Variants in UVRAG observed in about 807,000 individuals in gnomAD.
The protein encoded by UVRAG is UV radiation resistance associated.
In UVRAG, 19 loss-of-function variants were observed where a neutral mutation model predicts 78.0. The observed-to-expected ratio is 0.24, with a 90% confidence interval of 0.17 to 0.36. The LOEUF (loss-of-function observed/expected upper bound fraction) is 0.36, where lower values mean the gene tolerates loss of function less well. UVRAG is among the 10% of genes least tolerant of loss of function. The pLI, the probability that UVRAG is intolerant of heterozygous loss-of-function variation, is 1.00. For synonymous variants in UVRAG, 323 were observed against 324.6 expected, an observed-to-expected ratio of 1.00 and a Z score of 0.05; for missense variants, 740 against 853.8, an observed-to-expected ratio of 0.87 and a Z score of 1.66.
At chr11:76,033,387 A>G (rs995586076) in intron 12 of UVRAG, among the ~76,000 whole-genome samples, 1 of 152,292 alleles carries the variant, frequency 6.6e-6, no homozygotes, top group East Asian at 1.9e-4. Flanking sequence ...TCACGATATT[A>G]ATTTTTCCCT....
At chr11:76,068,311 CTT>C in intron 13 of UVRAG, among the ~76,000 whole-genome samples, 1 of 152,274 alleles carries the variant, frequency 6.6e-6, no homozygotes, top group Non-Finnish European at 1.5e-5. Flanking sequence ...AGGCCTCTGA[CTT>C]TATTATTAAC....
intron 12 of UVRAG, among the ~76,000 whole-genome samples, chr11:76,020,649 CTTTTTTTT>C (rs35112254): frequency 1.3e-4 from 7 of 52,282 alleles, no homozygotes; most frequent in Admixed American, 2.1e-4. Flanking sequence ...AAGAAGGAGT[CTTTTTTTT>C]TTTTTTTTTT....
chr11:75,887,448 GTTTT>G (rs1253746430), intron 4 of UVRAG, among the ~76,000 whole-genome samples: 1 of 114,134 alleles, frequency 8.8e-6, no homozygotes, highest in East Asian at 2.8e-4. Context: ...CCTGGCGCAG[GTTTT>G]TTTTTTTTTT....
At chr11:75,944,232 T>A (rs1948543603) in intron 6 of UVRAG, among the ~76,000 whole-genome samples, 2 of 152,166 alleles carry the variant, frequency 1.3e-5, no homozygotes, top group Non-Finnish European at 2.9e-5. Context: ...TTCCTTCATA[T>A]TGGAGCTTAA....
chr11:76,125,810 C>T (rs1038432960), intron 14 of UVRAG, among the ~76,000 whole-genome samples: 4 of 152,108 alleles, frequency 2.6e-5, no homozygotes, highest in Non-Finnish European at 4.4e-5. Context: ...CCCCATAATT[C>T]AGGCACAAAA....
chr11:75,887,891 T>TA (rs1947124774), intron 4 of UVRAG, among the ~76,000 whole-genome samples: 1 of 149,098 alleles, frequency 6.7e-6, no homozygotes, highest in Non-Finnish European at 1.5e-5. Flanking sequence ...AGTTCCTTAA[T>TA]TTTTAAAGTT....
intron 13 of UVRAG, among the ~76,000 whole-genome samples, chr11:76,066,679 A>G (rs1006054477): frequency 1.3e-5 from 2 of 152,106 alleles, no homozygotes; most frequent in African/African-American, 4.8e-5. Flanking sequence ...TCACCGTGTT[A>G]GGCAGATGGT....
intron 5 of UVRAG, chr11:75,911,587 G>T: frequency 5.7e-6 from 1 of 175,782 alleles, no homozygotes; most frequent in South Asian, 1.4e-4. Flanking sequence ...TGGCAGCGTT[G>T]GGCGACATGT....
chr11:76,101,449 C>T lies in UVRAG; in HGVS notation c.1306-14475C>T, dbSNP rs184549755. ...GTCCTTTGCTCTCTTTTAATGGGGT[C>T]GTTTGTTTTTCTCTTGCAAATTTGT... On this transcript the variant is annotated intron_variant, in intron 13 of 14. Transcript: ENST00000356136. Among the ~76,000 whole-genome samples the T allele has an allele frequency of 6.0e-3, 918 of 151,812 alleles. 10 individuals are homozygous for T. The highest frequency in any genetic ancestry group is 0.019 in the African/African-American group (773 of 41,452).
At chr11:75,903,120 T>A (rs1947545195) in intron 5 of UVRAG, among the ~76,000 whole-genome samples, 1 of 152,072 alleles carries the variant, frequency 6.6e-6, no homozygotes, top group Non-Finnish European at 1.5e-5. Context: ...TCTCTTTTTC[T>A]GTTTCTGTTG....
chr11:75,827,142 A>C (rs2135813394), intron 1 of UVRAG, among the ~76,000 whole-genome samples: 1 of 152,342 alleles, frequency 6.6e-6, no homozygotes, highest in African/African-American at 2.4e-5. Context: ...ACATAAAAGT[A>C]AAAGTGAGAA....
intron 13 of UVRAG, among the ~76,000 whole-genome samples, chr11:76,087,123 A>G (rs1356826237): frequency 6.6e-6 from 1 of 152,146 alleles, no homozygotes; most frequent in Non-Finnish European, 1.5e-5. Context: ...AGTGTGAGAG[A>G]TTTATTTTTC....
At chr11:75,886,019 C>T (rs1218647079) in intron 4 of UVRAG, among the ~76,000 whole-genome samples, 1 of 152,008 alleles carries the variant, frequency 6.6e-6, no homozygotes, top group Non-Finnish European at 1.5e-5. Context: ...AAAGTATATA[C>T]CATTAACATT....
chr11:75,890,230 G>A (rs565140632), intron 5 of UVRAG, among the ~76,000 whole-genome samples: 26 of 152,260 alleles, frequency 1.7e-4, no homozygotes, highest in African/African-American at 6.0e-4. Context: ...TCAGATTTGC[G>A]TTTCAGTAAT....
chr11:75,854,213 G>C (rs7102544), intron 2 of UVRAG, among the ~76,000 whole-genome samples: 11,674 of 152,192 alleles, frequency 0.077, 1,467 homozygotes, highest in African/African-American at 0.26. Context: ...ATCAGGTTCT[G>C]TCTTGGCAGC....
chr11:76,089,284 T>C (rs749028912), intron 13 of UVRAG, among the ~76,000 whole-genome samples: 11 of 152,192 alleles, frequency 7.2e-5, no homozygotes, highest in Admixed American at 2.6e-4. Context: ...AGTTGTTATA[T>C]GTTGAGTGAC....
intron 12 of UVRAG, among the ~76,000 whole-genome samples, chr11:76,052,621 G>A (rs930353466): frequency 2.3e-4 from 35 of 152,246 alleles, no homozygotes; most frequent in African/African-American, 8.2e-4. Flanking sequence ...TTTGAGATTC[G>A]CTTGACCTGT....
chr11:75,904,170 G>A (rs1406836713), intron 5 of UVRAG, among the ~76,000 whole-genome samples: 2 of 152,134 alleles, frequency 1.3e-5, no homozygotes, highest in South Asian at 4.1e-4. Context: ...AAAGTTTGCT[G>A]ACCACTCATC....
At chr11:75,851,140 A>G (rs1946145473) in intron 1 of UVRAG, among the ~76,000 whole-genome samples, 1 of 152,224 alleles carries the variant, frequency 6.6e-6, no homozygotes, top group Admixed American at 6.5e-5. Flanking sequence ...CGTTGCCAAC[A>G]TTCTCTTTTT....
Sources: allele counts gnomAD v4.1 joint callset (sites outside exome capture counted in the v4.1 genomes callset), GRCh38; gene constraint gnomAD v4.1.1; transcripts MANE v1.5; gene names NCBI Gene and HGNC (gene_info 2026-07-23, HGNC 2026-07-21).